Variants in EYA1 observed in about 807,000 individuals in gnomAD.
The protein encoded by EYA1 is protein phosphatase EYA1.
EYA1 carries 16 observed loss-of-function variants against 82.0 expected under a neutral mutation model. That is an observed-to-expected ratio of 0.20 (90% CI 0.13 to 0.30). The LOEUF is 0.30. Among genes scored for constraint, EYA1 ranks in the 10% least tolerant of loss-of-function variants. The pLI is 1.00. For synonymous variants in EYA1, 261 were observed against 264.4 expected, an observed-to-expected ratio of 0.99 and a Z score of 0.12; for missense variants, 633 against 730.7, an observed-to-expected ratio of 0.87 and a Z score of 1.54.
At chr8:71,401,294 T>G (rs1829944802) in intron 2 of EYA1, among the ~76,000 whole-genome samples, 1 of 152,188 alleles carries the variant, frequency 6.6e-6, no homozygotes, top group Admixed American at 6.5e-5. Context: ...TTAAAATAAA[T>G]TTTTTAAAAA....
chr8:71,228,451 G>GA (rs911195803), intron 12 of EYA1, among the ~76,000 whole-genome samples: 104 of 144,660 alleles, frequency 7.2e-4, no homozygotes, highest in Middle Eastern at 3.5e-3. Flanking sequence ...TGCCCGAAAG[G>GA]AAAAAAAAAA....
intron 2 of EYA1, among the ~76,000 whole-genome samples, chr8:71,412,637 C>A (rs1246090631): frequency 6.6e-6 from 1 of 152,014 alleles, no homozygotes; most frequent in Non-Finnish European, 1.5e-5. Context: ...ATGAAATCTG[C>A]ATAATGGATA....
chr8:71,221,321 T>C (rs990712912), intron 12 of EYA1, among the ~76,000 whole-genome samples: 1 of 104,826 alleles, frequency 9.5e-6, no homozygotes, highest in Non-Finnish European at 1.9e-5. Flanking sequence ...TGGGGTGGGA[T>C]GGGGCGGGGA....
chr8:71,379,584 A>C (rs2129098500), intron 2 of EYA1, among the ~76,000 whole-genome samples: 1 of 152,302 alleles, frequency 6.6e-6, no homozygotes, highest in East Asian at 1.9e-4. Context: ...TGTGAAAAAT[A>C]AAGTTACCCT....
At chr8:71,339,520 T>TA (rs1824881824) in intron 3 of EYA1, among the ~76,000 whole-genome samples, 1 of 152,102 alleles carries the variant, frequency 6.6e-6, no homozygotes, top group South Asian at 2.1e-4. Flanking sequence ...CCACGTTCCT[T>TA]ACGCTCCCGA....
chr8:71,428,941 T>C (rs935185190), intron 2 of EYA1, among the ~76,000 whole-genome samples: 2 of 152,146 alleles, frequency 1.3e-5, no homozygotes, highest in Admixed American at 6.5e-5. Flanking sequence ...TCAAGTAGGC[T>C]TCATTGAACC....
chr8:71,501,849 C>A (rs1000221469), intron 2 of EYA1, among the ~76,000 whole-genome samples: 1 of 152,218 alleles, frequency 6.6e-6, no homozygotes, highest in Non-Finnish European at 1.5e-5. Flanking sequence ...TCGTATAATT[C>A]TCAGACACAA....
At chr8:71,382,170 G>A (rs1276999350) in intron 2 of EYA1, among the ~76,000 whole-genome samples, 1 of 152,006 alleles carries the variant, frequency 6.6e-6, no homozygotes, top group Non-Finnish European at 1.5e-5. Context: ...TATTTATAAA[G>A]GGATCTTATA....
At chr8:71,347,623 G>A (rs752212697) in intron 3 of EYA1, among the ~76,000 whole-genome samples, 68 of 151,892 alleles carry the variant, frequency 4.5e-4, no homozygotes, top group Admixed American at 2.0e-3. Context: ...GTATGTAGAG[G>A]GCATATGATG....
intron 2 of EYA1, among the ~76,000 whole-genome samples, chr8:71,454,044 C>G (rs1039985185): frequency 9.9e-5 from 15 of 152,152 alleles, no homozygotes; most frequent in Non-Finnish European, 1.9e-4. Context: ...TGCAGAGACA[C>G]ACATAGGCTC....
In EYA1 at chr8:71,211,292, T is replaced by G. The variant is rs192680944; in HGVS notation, c.1598-36A>C. The G allele has an allele frequency of 1.7e-4, 237 of 1,416,600 alleles. 1 individual carries two copies. Among genetic ancestry groups the G allele is most frequent in the Non-Finnish European group, 2.2e-4 (225 of 1,001,754 alleles). 87.8% of individuals were successfully genotyped at this position (1,416,600 alleles called of 1,614,324 possible). ...AAAATAAATGATAGAAAATGTGAAG[T>G]TTGGGTAACCTAATGTGACAGTGCT... On this transcript the variant is annotated intron_variant, in intron 16 of 17. Coordinates refer to ENST00000340726, the MANE Select transcript of EYA1 (RefSeq NM_000503.6).
intron 12 of EYA1, among the ~76,000 whole-genome samples, chr8:71,231,390 G>A (rs570096681): frequency 3.2e-4 from 48 of 152,116 alleles, no homozygotes; most frequent in Non-Finnish European, 6.5e-4. Flanking sequence ...CATCTCACAA[G>A]CACTCTCTGT....
chr8:71,470,141 G>A (rs921113988), intron 2 of EYA1, among the ~76,000 whole-genome samples: 3 of 152,102 alleles, frequency 2.0e-5, no homozygotes, highest in Non-Finnish European at 4.4e-5. Flanking sequence ...AGACTGGCCA[G>A]ATGGTTTCTC....
At chr8:71,353,437 G>A (rs1826507982) in intron 3 of EYA1, among the ~76,000 whole-genome samples, 1 of 152,120 alleles carries the variant, frequency 6.6e-6, no homozygotes, top group Non-Finnish European at 1.5e-5. Context: ...GAAGAAAAAA[G>A]TTTCAGAGGA....
At chr8:71,452,110 C>T (rs1807431310) in intron 2 of EYA1, among the ~76,000 whole-genome samples, 1 of 152,238 alleles carries the variant, frequency 6.6e-6, no homozygotes. Context: ...AAATGGCACA[C>T]CAGGAGATTA....
chr8:71,233,633 T>A lies in EYA1; in HGVS notation c.1140+10970A>T, dbSNP rs1156756057. On this transcript the variant is annotated intron_variant, in intron 12 of 17. Coordinates refer to ENST00000340726, the MANE Select transcript of EYA1 (RefSeq NM_000503.6). ...TGATATACATACCTTTGTTTTTTAA[T>A]CCCCAAACTGGAACCACGCTGCATA... Among the ~76,000 whole-genome samples the A allele has an allele frequency of 2.0e-5, 3 of 151,982 alleles. No homozygotes were observed. The East Asian group carries it at 5.8e-4, about 29-fold the overall frequency.
At chr8:71,334,809 C>G (rs1342243693) in intron 3 of EYA1, among the ~76,000 whole-genome samples, 1 of 152,178 alleles carries the variant, frequency 6.6e-6, no homozygotes, top group Non-Finnish European at 1.5e-5. Flanking sequence ...ACAAAGTTTT[C>G]TATTTCAAAA....
At chr8:71,499,850 T>A (rs1241657338) in intron 2 of EYA1, among the ~76,000 whole-genome samples, 1 of 152,234 alleles carries the variant, frequency 6.6e-6, no homozygotes, top group African/African-American at 2.4e-5. Flanking sequence ...TGGATCATTC[T>A]GGCTGCATAT....
At chr8:71,243,968 T>C (rs568879501) in intron 12 of EYA1, among the ~76,000 whole-genome samples, 39 of 152,378 alleles carry the variant, frequency 2.6e-4, no homozygotes, top group African/African-American at 9.1e-4. Flanking sequence ...TATAGTCATA[T>C]TTTCTCATAA....
Sources: gnomAD v4.1 joint callset for allele counts (sites outside exome capture counted in the v4.1 genomes callset) on GRCh38, gnomAD v4.1.1 for gene constraint, MANE v1.5 for transcripts, NCBI Gene and HGNC (gene_info 2026-07-23, HGNC 2026-07-21) for gene names.